The following GPC5 variants were observed in gnomAD, a reference collection of about 807,000 sequenced individuals.
GPC5 encodes glypican 5.
A neutral mutation model predicts 53.9 loss-of-function variants in GPC5; 47 were observed. That is an observed-to-expected ratio of 0.87 (90% confidence interval 0.69 to 1.11). The LOEUF is 1.11. Among genes scored for constraint, GPC5 ranks in the 50% most tolerant of loss-of-function variants. GPC5 has a pLI of 0.00. For synonymous variants in GPC5, 286 were observed against 263.3 expected, an observed-to-expected ratio of 1.09 and a Z score of -0.84; for missense variants, 748 against 713.1, an observed-to-expected ratio of 1.05 and a Z score of -0.56.
chr13:92,590,886 A>T (rs1026751106), intron 7 of GPC5, among the ~76,000 whole-genome samples: 1 of 152,134 alleles, frequency 6.6e-6, no homozygotes, highest in Non-Finnish European at 1.5e-5. Flanking sequence ...AGGTTTTCTC[A>T]TTGTATGATA....
intron 7 of GPC5, among the ~76,000 whole-genome samples, chr13:92,361,239 A>G (rs2043563847): frequency 6.6e-6 from 1 of 151,798 alleles, no homozygotes; most frequent in South Asian, 2.1e-4. Context: ...TGAAGTCTAC[A>G]TGCCACAGCT....
chr13:92,640,458 C>T (rs1052978123), intron 7 of GPC5, among the ~76,000 whole-genome samples: 4 of 152,112 alleles, frequency 2.6e-5, no homozygotes, highest in Non-Finnish European at 4.4e-5. Context: ...GACGGAGTTT[C>T]ACCGTGTTAG....
chr13:92,851,756 G>A (rs996160615), intron 7 of GPC5, among the ~76,000 whole-genome samples: 15 of 151,578 alleles, frequency 9.9e-5, no homozygotes, highest in African/African-American at 3.6e-4. Context: ...AGGCGTGGTG[G>A]TGGGTGCCTG....
At chr13:92,791,627 GA>G (rs541056014) in intron 7 of GPC5, among the ~76,000 whole-genome samples, 28 of 148,124 alleles carry the variant, frequency 1.9e-4, no homozygotes, top group Non-Finnish European at 2.4e-4. Context: ...ACTCCTCCTA[GA>G]AAAAAAAAAT....
chr13:91,610,767 C>T (rs1594328161), intron 2 of GPC5, among the ~76,000 whole-genome samples: 1 of 152,150 alleles, frequency 6.6e-6, no homozygotes, highest in South Asian at 2.1e-4. Context: ...AGAATAATGA[C>T]ACTTTTAAGT....
chr13:92,847,594 C>T (rs900661467), intron 7 of GPC5, among the ~76,000 whole-genome samples: 1 of 151,958 alleles, frequency 6.6e-6, no homozygotes, highest in African/African-American at 2.4e-5. Flanking sequence ...CCCAGCAGTG[C>T]TGTACAGCCT....
rs1041022488 is a variant in GPC5 at position 92,364,434 on chromosome 13, T to G, written c.1561+219445T>G. On this transcript the variant is annotated intron_variant, in intron 7 of 7. Transcript: ENST00000377067. Reference sequence around the variant, plus strand: ...TACTTTTGAGATTTAGCATTCAAGTTTAAAAGGCATTTTTGGCCAGGCGCG... The same window carrying G: ...TACTTTTGAGATTTAGCATTCAAGTGTAAAAGGCATTTTTGGCCAGGCGCG... Among the ~76,000 whole-genome samples the G allele has an allele frequency of 6.6e-5, 10 of 151,742 alleles. 1 individual carries two copies. The highest frequency in any genetic ancestry group is 2.4e-4 in the African/African-American group (10 of 41,040).
At chr13:92,336,816 C>G (rs1232814492) in intron 7 of GPC5, among the ~76,000 whole-genome samples, 1 of 152,100 alleles carries the variant, frequency 6.6e-6, no homozygotes, top group African/African-American at 2.4e-5. Flanking sequence ...ATTCCTGGTT[C>G]CTGAAATCTG....
rs55867004 is a variant in GPC5, at chr13:92,161,956, CATATATATATATATATATATATATAT to C, written c.1561+16982_1561+17007del. ...ATTTGCCTATTAAGTAATATATAGCCATATATATATATATATATATATATATATATATATATATATGAAACTAAATG... is the reference window on the plus strand; with the variant it reads ...ATTTGCCTATTAAGTAATATATAGCCATATATATATATATGAAACTAAATG... On this transcript the variant is annotated intron_variant, in intron 7 of 7. Transcript: ENST00000377067. 3.4e-4 allele frequency among the ~76,000 whole-genome samples: 33 copies of C among 96,030 alleles called. 1 individual carries two copies. Among genetic ancestry groups the C allele is most frequent in the Admixed American group, 1.2e-3 (11 of 9,000 alleles). The allele number at this position is 96,030 out of a possible 152,430, so 63.0% of individuals were successfully genotyped here. A position where few individuals can be genotyped will look rare whatever the true frequency, so the allele number is the denominator to read the frequency against.
intron 5 of GPC5, among the ~76,000 whole-genome samples, chr13:91,766,534 A>C (rs1044218227): frequency 1.3e-5 from 2 of 152,220 alleles, no homozygotes; most frequent in Non-Finnish European, 2.9e-5. Flanking sequence ...AGACATATTC[A>C]TTAATCTCTA....
rs181862954 is a variant in GPC5, at chr13:91,788,902, A to G, written c.1280+32482A>G. On this transcript the variant is annotated intron_variant, in intron 5 of 7. Coordinates refer to ENST00000377067, the MANE Select transcript of GPC5 (RefSeq NM_004466.6). ...ATATTAATGGCTTTTATTCTATGATACAGTGCAGCATATTGAAATCTTACT... is the reference window on the plus strand; with the variant it reads ...ATATTAATGGCTTTTATTCTATGATGCAGTGCAGCATATTGAAATCTTACT... 7.6e-4 allele frequency among the ~76,000 whole-genome samples: 116 copies of G among 152,296 alleles called. 1 individual carries two copies. The highest frequency in any genetic ancestry group is 7.2e-3 in the Admixed American group (110 of 15,296).
chr13:91,524,980 A>G (rs1886016834), intron 2 of GPC5, among the ~76,000 whole-genome samples: 1 of 152,162 alleles, frequency 6.6e-6, no homozygotes, highest in African/African-American at 2.4e-5. Context: ...GTTGCTGTCA[A>G]GTTAAAGTCA....
intron 7 of GPC5, among the ~76,000 whole-genome samples, chr13:92,602,115 G>A (rs538841272): frequency 7.6e-4 from 110 of 145,128 alleles, no homozygotes; most frequent in Non-Finnish European, 1.2e-3. Context: ...ATTAATGAAA[G>A]TATTATATAC....
intron 2 of GPC5, among the ~76,000 whole-genome samples, chr13:91,582,877 G>A (rs1395576234): frequency 6.6e-6 from 1 of 152,048 alleles, no homozygotes; most frequent in African/African-American, 2.4e-5. Flanking sequence ...TCTGGGCATG[G>A]TGGCACCCAG....
intron 7 of GPC5, among the ~76,000 whole-genome samples, chr13:92,164,831 G>A (rs2139011280): frequency 6.6e-6 from 1 of 152,318 alleles, no homozygotes; most frequent in South Asian, 2.1e-4. Context: ...AGGCATTTCT[G>A]TACATCCTCT....
At chr13:92,758,064 A>C (rs1329694712) in intron 7 of GPC5, among the ~76,000 whole-genome samples, 1 of 150,576 alleles carries the variant, frequency 6.6e-6, no homozygotes, top group Non-Finnish European at 1.5e-5. Flanking sequence ...TCACAATAGC[A>C]AAGTCTTGGA....
intron 7 of GPC5, among the ~76,000 whole-genome samples, chr13:92,362,301 A>G (rs149009817): frequency 6.6e-6 from 1 of 151,908 alleles, no homozygotes; most frequent in East Asian, 1.9e-4. Context: ...AAGCTGGTAC[A>G]CAGTGGGTAT....
At chr13:91,828,350 GGT>G (rs1192065029) in intron 5 of GPC5, among the ~76,000 whole-genome samples, 2 of 45,348 alleles carry the variant, frequency 4.4e-5, no homozygotes, top group African/African-American at 8.8e-5. Flanking sequence ...TAGGTAGATA[GGT>G]AGGTAGGTAG....
intron 7 of GPC5, among the ~76,000 whole-genome samples, chr13:92,663,856 CTATATATATATATATATATA>C (rs201565650): frequency 0.018 from 1,615 of 88,308 alleles, 57 homozygotes; most frequent in African/African-American, 0.053. Flanking sequence ...CACACACACA[CTATATATATATATATATATA>C]TATATATATA....
Sources: gnomAD v4.1 joint callset for allele counts (sites outside exome capture counted in the v4.1 genomes callset) on GRCh38, gnomAD v4.1.1 for gene constraint, MANE v1.5 for transcripts, NCBI Gene and HGNC (gene_info 2026-07-23, HGNC 2026-07-21) for gene names.